UNKL: variants seen among roughly 807,000 people sequenced by gnomAD.
UNKL encodes the protein unk like zinc finger.
UNKL carries 60 observed loss-of-function variants against 78.0 expected under a neutral mutation model. That is an observed-to-expected ratio of 0.77 (90% CI 0.63 to 0.95). The LOEUF (loss-of-function observed/expected upper bound fraction) is 0.95, where lower values mean the gene tolerates loss of function less well. UNKL is among the 40% of genes least tolerant of loss of function. UNKL has a pLI of 0.00. For missense variants in UNKL, 1,159 were observed against 1,045.7 expected, an observed-to-expected ratio of 1.11 and a Z score of -1.49; for synonymous variants, 608 against 474.8, an observed-to-expected ratio of 1.28 and a Z score of -3.65.
chr16:1,366,090 G>A lies in UNKL; in HGVS notation c.*150C>T, dbSNP rs2035228009. 1 of 939,652 alleles carries A rather than the reference G, an allele frequency of 1.1e-6. No homozygotes were observed. Among genetic ancestry groups the A allele is most frequent in the African/African-American group, 1.7e-5 (1 of 59,622 alleles). The allele number at this position is 939,652 out of a possible 1,614,324, so 58.2% of individuals were successfully genotyped here. The stretch of plus-strand genomic sequence containing the variant: ...AGGCTGTCAGGCCAAGCGCAGGCGG[G>A]GCTCCCAGCCTCATGATAACGTGTA... On this transcript the variant is annotated 3_prime_UTR_variant, in exon 15 of 15. Transcript: ENST00000389221.
intron 10 of UNKL, among the ~76,000 whole-genome samples, chr16:1,374,530 G>A (rs568457698): frequency 5.3e-5 from 8 of 152,240 alleles, no homozygotes; most frequent in African/African-American, 9.6e-5. Flanking sequence ...TCGGCGCGCC[G>A]GGAACCTCCA....
chr16:1,409,709 C>G (rs1344858003), intron 2 of UNKL, among the ~76,000 whole-genome samples: 1 of 152,062 alleles, frequency 6.6e-6, no homozygotes, highest in Non-Finnish European at 1.5e-5. Flanking sequence ...CAGCACTGTC[C>G]ATCCCTGTAA....
At chr16:1,394,248 TG>T (rs2037166534) in intron 6 of UNKL, 33 bp from the exon 7 acceptor site, 1 of 1,547,670 alleles carries the variant, frequency 6.5e-7, no homozygotes, top group South Asian at 1.2e-5. Flanking sequence ...GAGGTTGGAT[TG>T]GAAATGGGAT....
Position 1,399,535 on chromosome 16 carries a change from G to A in UNKL, c.599-26C>T, listed in dbSNP as rs373088079. 71 of 1,575,034 alleles carry A rather than the reference G, an allele frequency of 4.5e-5. No individual in the cohort carries two copies. In the Middle Eastern group the frequency reaches 6.9e-4, roughly 15 times the overall value. On this transcript the variant is annotated intron_variant, in intron 4 of 14. Coordinates refer to ENST00000389221, the MANE Select transcript of UNKL (RefSeq NM_001372107.1). The surrounding 1 kb of genome is among the most constrained non-coding windows in gnomAD (Gnocchi z 5.8). ...CTGAAAAATGGGCCACACGGTGCCT[G>A]AGCAGCGCGACTGGAAGCAATGCTG...
Position 1,398,883 on chromosome 16 carries a change from C to T in UNKL, c.734+491G>A, listed in dbSNP as rs145629140. 1,255 of 1,574,734 alleles carry T rather than the reference C, an allele frequency of 8.0e-4. 5 individuals carry two copies. The highest frequency in any genetic ancestry group is 7.7e-4 in the Non-Finnish European group (898 of 1,160,358). On this transcript the variant is annotated intron_variant, in intron 5 of 14. Transcript: ENST00000389221. ...GGTCCTGTGTGCACCCTGGGCAGGG[C>T]GACCCTTGGGTTGTTGGCCCTGGGA... is the stretch of plus-strand genomic sequence containing the variant.
At chr16:1,411,698 G>C (rs896475170) in intron 2 of UNKL, among the ~76,000 whole-genome samples, 1 of 151,864 alleles carries the variant, frequency 6.6e-6, no homozygotes, top group Non-Finnish European at 1.5e-5. Flanking sequence ...GGTGGCACGC[G>C]CCTGTAATCC....
chr16:1,397,376 C>T (rs1364212822), intron 5 of UNKL, 81 bp from the exon 6 acceptor site: 2 of 607,720 alleles, frequency 3.3e-6, no homozygotes, highest in African/African-American at 2.9e-5. Flanking sequence ...TGGGGCAGGG[C>T]GTGGACCTGG....
rs968096070 is a variant in UNKL, at chr16:1,367,235, G to C, written c.1903C>G (p.Gln635Glu). 2 of 1,597,222 alleles carry C rather than the reference G, an allele frequency of 1.3e-6. No homozygotes were observed. The highest frequency in any genetic ancestry group is 1.7e-6 in the Non-Finnish European group (2 of 1,175,040). Residue 635 changes from glutamine to glutamate, a missense_variant, in exon 14 of 15, where the codon CAG (glutamine) becomes GAG (glutamate). Physicochemically the swap from Gln to Glu is conservative, Grantham distance 29. Coordinates refer to ENST00000389221, the MANE Select transcript of UNKL (RefSeq NM_001372107.1). ...KKEEVEAQVK[Q>E]LQEELEGLGV... ...AGGCCCTCCAGCTCCTCCTGCAGCT[G>C]CTTCACCTGTGCCTCCACCTCCTCC...
In UNKL at chr16:1,366,354, C is replaced by A; in HGVS notation, c.2088G>T (p.Arg696=). The A allele has an allele frequency of 6.2e-7, 1 of 1,604,554 alleles. No homozygotes were observed. Among genetic ancestry groups the A allele is most frequent in the Non-Finnish European group, 8.5e-7 (1 of 1,175,932 alleles). ...QLRAKQCVAC[R]ERAHGAVLRP... ...GCAGGACAGCACCGTGGGCCCGCTC[C>A]CGGCAGGCCACACACTGCTTGGCGC... Residue 696 remains arginine (R), a synonymous_variant, in exon 15 of 15, where the codon CGG becomes CGT. Transcript: ENST00000389221.
chr16:1,385,425 C>A (rs987896062), intron 9 of UNKL, 40 bp from the exon 10 acceptor site: 13 of 1,289,530 alleles, frequency 1.0e-5, no homozygotes, highest in South Asian at 2.3e-5. Flanking sequence ...GCACCCCCTG[C>A]GTGGAGGAGG....
intron 12 of UNKL, among the ~76,000 whole-genome samples, chr16:1,368,795 G>A (rs986193796): frequency 5.3e-5 from 8 of 152,170 alleles, no homozygotes; most frequent in Non-Finnish European, 8.8e-5. Context: ...CAGCTACTCG[G>A]GAGGCTGAGA....
chr16:1,393,670 C>T (rs1429723945), intron 7 of UNKL, among the ~76,000 whole-genome samples: 2 of 152,270 alleles, frequency 1.3e-5, no homozygotes, highest in East Asian at 3.8e-4. Context: ...AGGGTCTCTG[C>T]TGTCTCCCCG....
chr16:1,413,243 CAAAAAA>C (rs546295462), intron 2 of UNKL, among the ~76,000 whole-genome samples: 1 of 71,648 alleles, frequency 1.4e-5, no homozygotes, highest in Non-Finnish European at 2.6e-5. Context: ...GACCCTGTCT[CAAAAAA>C]AAAAAAAAAA....
At chr16:1,389,191 G>T (rs1251994265) in intron 9 of UNKL, among the ~76,000 whole-genome samples, 1 of 152,140 alleles carries the variant, frequency 6.6e-6, no homozygotes, top group Non-Finnish European at 1.5e-5. Flanking sequence ...CAGTGTCTTT[G>T]TTATGGACCA....
chr16:1,398,679 G>GCAC, intron 5 of UNKL: 13 of 1,356,390 alleles, frequency 9.6e-6, no homozygotes, highest in South Asian at 2.9e-5. Context: ...TGTGGGGTCT[G>GCAC]CACCCCCCCA....
intron 6 of UNKL, 30 bp downstream of exon 6, chr16:1,397,148 C>T (rs2037300986): frequency 6.5e-7 from 1 of 1,543,260 alleles, no homozygotes; most frequent in Admixed American, 2.0e-5. Flanking sequence ...TTCCAGCGAC[C>T]CCTACGCCTG....
rs532262034 is a variant in UNKL, at chr16:1,365,983, T to C, written c.*257A>G. 6.8e-5 allele frequency: 25 copies of C among 368,452 alleles called. No homozygotes were observed. The highest frequency in any genetic ancestry group is 2.2e-4 in the Admixed American group (5 of 22,792). The allele number at this position is 368,452 out of a possible 1,614,324, so 22.8% of individuals were successfully genotyped here. A position where few individuals can be genotyped will look rare whatever the true frequency, so the allele number is the denominator to read the frequency against. ...CCCTCAGGGACAGGCAGGCGGGTTC[T>C]GTGGGTTTGCATTTAAGGTTTTTGA... On this transcript the variant is annotated 3_prime_UTR_variant, in exon 15 of 15. Transcript: ENST00000389221.
At chr16:1,411,345 C>T (rs183115472) in intron 2 of UNKL, among the ~76,000 whole-genome samples, 51 of 149,914 alleles carry the variant, frequency 3.4e-4, no homozygotes, top group African/African-American at 1.2e-3. Context: ...GAGTGAGACT[C>T]GGTCTCAAAA....
rs536382976 is a variant in UNKL, at chr16:1,365,107, C to A, written c.*1133G>T. 1 of 152,466 alleles carries A rather than the reference C, an allele frequency of 6.6e-6. No homozygotes were observed. The highest frequency in any genetic ancestry group is 2.1e-4 in the South Asian group (1 of 4,840). The allele number at this position is 152,466 out of a possible 1,614,324, so 9.4% of individuals were successfully genotyped here. On this transcript the variant is annotated 3_prime_UTR_variant, in exon 15 of 15. Coordinates refer to ENST00000389221, the MANE Select transcript of UNKL (RefSeq NM_001372107.1). ...CTCCCAGGTTCAAGCGATTCTCCTG[C>A]CTCAGCCTCCCGAGTAGCTGGGACT... is the stretch of plus-strand genomic sequence containing the variant.
Sources: gnomAD v4.1 joint callset for allele counts (sites outside exome capture counted in the v4.1 genomes callset) on GRCh38, gnomAD v4.1.1 for gene constraint, Gnocchi (gnomAD v3.1) non-coding constraint, MANE v1.5 for transcripts, NCBI Gene and HGNC (gene_info 2026-07-23, HGNC 2026-07-21) for gene names.